Variants in VMAC observed in about 807,000 individuals in gnomAD.
The protein encoded by VMAC is vimentin type intermediate filament associated coiled-coil protein.
A neutral mutation model predicts 4.8 loss-of-function variants in VMAC; 8 were observed. The ratio of observed to expected loss-of-function variants is 1.68; its 90% CI spans 0.99 to 3.03. The LOEUF is 3.03. Ranked by LOEUF, VMAC falls within the 30% of genes most tolerant of loss-of-function variation. The pLI, the probability that VMAC is intolerant of heterozygous loss-of-function variation, is 0.00. For missense variants in VMAC, 248 were observed against 245.1 expected (o/e 1.01, Z -0.08); for synonymous variants, 96 against 113.7 (o/e 0.84, Z 0.99).
At chr19:5,907,634 AAAT>A (rs1318778815) in intron 1 of VMAC, among the ~76,000 whole-genome samples, 1 of 143,672 alleles carries the variant, frequency 7.0e-6, no homozygotes, top group African/African-American at 2.6e-5. Context: ...AAAAAAAAAA[AAAT>A]TAGCTGGGCA....
Position 5,909,269 on chromosome 19 carries a change from G to GT in VMAC, c.*127_*128insT. ...TCCTGTCTAAGCATCAGAACAGGCT[G>GT]AACAGTCAAAAAGTTTTCAAATAGG... On this transcript the variant is annotated 3_prime_UTR_variant, in exon 2 of 2. Transcript: ENST00000339485. The GT allele has an allele frequency of 8.9e-7, 1 of 1,126,292 alleles. No individual in the cohort carries two copies. The highest frequency in any genetic ancestry group is 1.2e-6 in the Non-Finnish European group (1 of 819,592). 69.8% of individuals were successfully genotyped at this position (1,126,292 alleles called of 1,614,324 possible).
rs532531227 is a variant in VMAC, at chr19:5,908,622, A to T, written c.192-202A>T. On this transcript the variant is annotated intron_variant, in intron 1 of 1. Coordinates refer to ENST00000339485, the MANE Select transcript of VMAC (RefSeq NM_001017921.4). The surrounding 1 kb of genome is among the most constrained non-coding windows in gnomAD (Gnocchi z 4.5). ...CAGAGCTAGACTTCGTCTCAAAAAAAAATAATAATAAAATAAAATATAATA... is the reference window on the plus strand; with the variant it reads ...CAGAGCTAGACTTCGTCTCAAAAAATAATAATAATAAAATAAAATATAATA... Among the ~76,000 whole-genome samples, 473 of 134,848 alleles carry T rather than the reference A, an allele frequency of 3.5e-3. 3 individuals carry two copies. The highest frequency in any genetic ancestry group is 0.011 in the African/African-American group (401 of 36,436). 88.5% of individuals were successfully genotyped at this position (134,848 alleles called of 152,430 possible).
In VMAC at chr19:5,905,009, A is replaced by G; in HGVS notation, c.119A>G (p.Gln40Arg). The change falls in exon 1 of 2, where the codon CAA (glutamine) becomes CGA (arginine). Residue 40 changes from glutamine (Q) to arginine (R), a missense_variant. Physicochemically the swap from Gln to Arg is conservative, Grantham distance 43. Coordinates refer to ENST00000339485, the MANE Select transcript of VMAC (RefSeq NM_001017921.4). ...LDAAERTVHA[Q>R]AERLALHDQQ... ...GCGGCGGAGCGCACGGTGCACGCCCAAGCCGAGCGCCTGGCCCTCCACGAC... is the reference window on the plus strand; with the variant it reads ...GCGGCGGAGCGCACGGTGCACGCCCGAGCCGAGCGCCTGGCCCTCCACGAC... 1 of 1,431,572 alleles carries G rather than the reference A, an allele frequency of 7.0e-7. No individual in the cohort carries two copies. Among genetic ancestry groups the G allele is most frequent in the African/African-American group, 1.5e-5 (1 of 66,700 alleles). The allele number at this position is 1,431,572 out of a possible 1,614,324, so 88.7% of individuals were successfully genotyped here.
At chr19:5,907,779 C>CCGTCTCAAT (rs1313256415) in intron 1 of VMAC, among the ~76,000 whole-genome samples, 5 of 151,582 alleles carry the variant, frequency 3.3e-5, no homozygotes. Context: ...GAGCTAGATT[C>CCGTCTCAAT]CGTCTCAATC....
chr19:5,904,918 C>G lies in VMAC; in HGVS notation c.28C>G (p.Arg10Gly), dbSNP rs989842785. MSAPPALQI[R>G]EANAHLAAVH... ...GTCGGCGCCGCCGGCCCTGCAGATCCGGGAGGCAAACGCACACCTGGCAGC... is the reference window on the plus strand; with the variant it reads ...GTCGGCGCCGCCGGCCCTGCAGATCGGGGAGGCAAACGCACACCTGGCAGC... The change falls in exon 1 of 2, where the codon CGG becomes GGG. Residue 10 changes from arginine (R) to glycine (G), a missense_variant. Arg to Gly is a moderately radical substitution (Grantham distance 125). Coordinates refer to ENST00000339485, the MANE Select transcript of VMAC (RefSeq NM_001017921.4). 3 of 1,490,152 alleles carry G rather than the reference C, an allele frequency of 2.0e-6. No homozygotes were observed. The highest frequency in any genetic ancestry group is 2.7e-6 in the Non-Finnish European group (3 of 1,130,594). The allele number at this position is 1,490,152 out of a possible 1,614,324, so 92.3% of individuals were successfully genotyped here.
At chr19:5,906,403 C>G (rs896676194) in intron 1 of VMAC, among the ~76,000 whole-genome samples, 10 of 152,242 alleles carry the variant, frequency 6.6e-5, no homozygotes, top group Non-Finnish European at 1.5e-4. Context: ...TTCATTTTTA[C>G]CGAGCACCTG....
rs2057693857 is a variant in VMAC at position 5,910,489 on chromosome 19, G to A, written c.*1347G>A. 1 of 152,220 alleles carries A rather than the reference G, an allele frequency of 6.6e-6. No homozygotes were observed. The highest frequency in any genetic ancestry group is 1.5e-5 in the Non-Finnish European group (1 of 68,070). The allele number at this position is 152,220 out of a possible 1,614,324, so 9.4% of individuals were successfully genotyped here. ...ATGCGGGTGGATCACCTGAGGTCAG[G>A]AGTTCGAGACCACCCTGGCCAACAT... On this transcript the variant is annotated 3_prime_UTR_variant, in exon 2 of 2. Transcript: ENST00000339485.
rs1306551551 is a variant in VMAC at position 5,908,057 on chromosome 19, A to C, written c.192-767A>C. ...GAATTTTGGGGAGACAGAAAGATGCAGTTCAGGCTGGGTACAGTGGCTCAG... is the reference window on the plus strand; with the variant it reads ...GAATTTTGGGGAGACAGAAAGATGCCGTTCAGGCTGGGTACAGTGGCTCAG... On this transcript the variant is annotated intron_variant, in intron 1 of 1. Transcript: ENST00000339485. This position sits in a 1 kb window ranked among gnomAD's most constrained non-coding sequence, Gnocchi z 4.5. Among the ~76,000 whole-genome samples, 1 of 152,202 alleles carries C rather than the reference A, an allele frequency of 6.6e-6. No individual in the cohort carries two copies. The highest frequency in any genetic ancestry group is 1.5e-5 in the Non-Finnish European group (1 of 68,042).
Position 5,909,061 on chromosome 19 carries a change from T to C in VMAC, c.429T>C (p.Pro143=). 6.4e-7 allele frequency: 1 copy of C among 1,562,520 alleles called. No individual in the cohort carries two copies. The highest frequency in any genetic ancestry group is 1.2e-5 in the South Asian group (1 of 86,586). The change falls in exon 2 of 2, where the codon CCT becomes CCC. Residue 143 remains proline (P), a synonymous_variant. Transcript: ENST00000339485. Reference sequence around the variant, plus strand: ...CCGGCCACCCACCCCCCGGTGGGCCTGGTCCACCCCTTGACAACAGCACTG... The same window carrying C: ...CCGGCCACCCACCCCCCGGTGGGCCCGGTCCACCCCTTGACAACAGCACTG... ...SDPGHPPPGG[P]GPPLDNSTGE... is the part of the protein sequence containing the mutation.
chr19:5,905,093 G>A lies in VMAC; in HGVS notation c.191+12G>A. ...CGCGCCAAGGACCGGTGAGGCCCGG[G>A]GCCGGCCAGGTGGACTTCACCGAGG... On this transcript the variant is annotated intron_variant, in intron 1 of 1. Transcript: ENST00000339485. 2 of 1,340,056 alleles carry A rather than the reference G, an allele frequency of 1.5e-6. No individual in the cohort carries two copies. The highest frequency in any genetic ancestry group is 1.9e-5 in the South Asian group (1 of 52,822). The allele number at this position is 1,340,056 out of a possible 1,614,324, so 83.0% of individuals were successfully genotyped here.
chr19:5,909,389 G>A lies in VMAC; in HGVS notation c.*247G>A. 2.1e-6 allele frequency: 1 copy of A among 475,608 alleles called. No individual in the cohort carries two copies. The highest frequency in any genetic ancestry group is 3.7e-6 in the Non-Finnish European group (1 of 273,732). 29.5% of individuals were successfully genotyped at this position (475,608 alleles called of 1,614,324 possible). A position where few individuals can be genotyped will look rare whatever the true frequency, so the allele number is the denominator to read the frequency against. On this transcript the variant is annotated 3_prime_UTR_variant, in exon 2 of 2. Coordinates refer to ENST00000339485, the MANE Select transcript of VMAC (RefSeq NM_001017921.4). Reference sequence around the variant, plus strand: ...TCACCCTTGCTAAAAACCTGGCAATGCAAACACAAAGATCTGGATTTCTGG... The same window carrying A: ...TCACCCTTGCTAAAAACCTGGCAATACAAACACAAAGATCTGGATTTCTGG...
At chr19:5,907,471 G>A (rs1308501619) in intron 1 of VMAC, among the ~76,000 whole-genome samples, 1 of 151,728 alleles carries the variant, frequency 6.6e-6, no homozygotes, top group African/African-American at 2.4e-5. Flanking sequence ...GATAGTGAGT[G>A]AGTTCTCATG....
intron 1 of VMAC, among the ~76,000 whole-genome samples, chr19:5,907,544 G>A (rs1013351883): frequency 1.5e-4 from 22 of 143,124 alleles, no homozygotes; most frequent in East Asian, 2.1e-4. Flanking sequence ...AGGCCGAAGC[G>A]GTCAGATCAC....
chr19:5,906,392 A>G (rs938265089), intron 1 of VMAC, among the ~76,000 whole-genome samples: 1 of 152,212 alleles, frequency 6.6e-6, no homozygotes, highest in Non-Finnish European at 1.5e-5. Context: ...AATTGGACAT[A>G]TTCATTTTTA....
At chr19:5,907,575 C>A (rs1391682399) in intron 1 of VMAC, among the ~76,000 whole-genome samples, 1 of 125,918 alleles carries the variant, frequency 7.9e-6, no homozygotes, top group Non-Finnish European at 1.6e-5. Context: ...GAATTTGAGA[C>A]CAGCCTGGCC....
intron 1 of VMAC, among the ~76,000 whole-genome samples, chr19:5,907,329 T>C (rs974844629): frequency 2.0e-5 from 3 of 152,056 alleles, no homozygotes; most frequent in African/African-American, 7.2e-5. Context: ...ACCCTTCTGC[T>C]ATGGTTAGAC....
In VMAC at chr19:5,905,084, G is replaced by T; in HGVS notation, c.191+3G>T. On this transcript the variant is annotated splice_donor_region_variant and intron_variant, in intron 1 of 1. Transcript: ENST00000339485. ...GAACTGGGTCGCGCCAAGGACCGGT[G>T]AGGCCCGGGGCCGGCCAGGTGGACT... The T allele has an allele frequency of 7.4e-7, 1 of 1,351,738 alleles. No individual in the cohort carries two copies. The highest frequency in any genetic ancestry group is 9.4e-7 in the Non-Finnish European group (1 of 1,059,052). 83.7% of individuals were successfully genotyped at this position (1,351,738 alleles called of 1,614,324 possible). A position where few individuals can be genotyped will look rare whatever the true frequency, so the allele number is the denominator to read the frequency against.
In VMAC at chr19:5,908,902, G is replaced by A. The variant is rs752263798; in HGVS notation, c.270G>A (p.Arg90=). The change falls in exon 2 of 2, where the codon AGG becomes AGA. Residue 90 remains arginine (R), a synonymous_variant. Transcript: ENST00000339485. The surrounding 1 kb of genome is among the most constrained non-coding windows in gnomAD (Gnocchi z 4.5). ...VHSLQATVHQ[R]DELIRQLQPR... is the part of the protein sequence containing the mutation. ...GCCTGCAGGCCACCGTGCACCAGAGGGACGAGCTCATTAGGCAGTTGCAGC... is the reference window on the plus strand; with the variant it reads ...GCCTGCAGGCCACCGTGCACCAGAGAGACGAGCTCATTAGGCAGTTGCAGC... 3 of 1,613,948 alleles carry A rather than the reference G, an allele frequency of 1.9e-6. No individual in the cohort carries two copies. The highest frequency in any genetic ancestry group is 1.7e-6 in the Non-Finnish European group (2 of 1,179,988).
intron 1 of VMAC, among the ~76,000 whole-genome samples, chr19:5,906,292 C>G (rs2057678825): frequency 6.6e-6 from 1 of 152,152 alleles, no homozygotes; most frequent in Non-Finnish European, 1.5e-5. Flanking sequence ...TTGAAGAGTC[C>G]CTCTGACAGC....
Sources: gnomAD v4.1 joint callset for allele counts (sites outside exome capture counted in the v4.1 genomes callset) on GRCh38, gnomAD v4.1.1 for gene constraint, Gnocchi (gnomAD v3.1) non-coding constraint, MANE v1.5 for transcripts, NCBI Gene and HGNC (gene_info 2026-07-23, HGNC 2026-07-21) for gene names.